The following CTNND2 variants were observed in gnomAD, a reference collection of about 807,000 sequenced individuals.
CTNND2 encodes the protein catenin delta-2.
Under a neutral mutation model 144.4 loss-of-function variants are expected in CTNND2, and 22 were observed. The observed-to-expected ratio is 0.15, with a 90% CI of 0.11 to 0.22. The LOEUF is 0.22. CTNND2 is among the 10% of genes least tolerant of loss of function. The pLI is 1.00. For synonymous variants in CTNND2, 751 were observed against 695.6 expected (o/e 1.08, Z -1.25); for missense variants, 1,353 against 1,618.8 (o/e 0.84, Z 2.82).
At chr5:11,296,034 G>A (rs1416578488) in intron 9 of CTNND2, among the ~76,000 whole-genome samples, 1 of 148,162 alleles carries the variant, frequency 6.7e-6, no homozygotes, top group Non-Finnish European at 1.5e-5. Flanking sequence ...ACTACCATCA[G>A]AGTGAACAGG....
Position 11,412,029 on chromosome 5 carries a change from C to T in CTNND2, c.322+6G>A. On this transcript the variant is annotated splice_donor_region_variant and intron_variant, in intron 4 of 21. Coordinates refer to ENST00000304623, the MANE Select transcript of CTNND2 (RefSeq NM_001332.4). ...TGTAAGTGTTCATCAATAAGATAGA[C>T]ATTACCTTGTGACTGCCACTGAAAC... is the stretch of plus-strand genomic sequence containing the variant. The T allele has an allele frequency of 6.2e-7, 1 of 1,607,978 alleles. No individual in the cohort carries two copies. The highest frequency in any genetic ancestry group is 1.1e-5 in the South Asian group (1 of 90,982).
chr5:11,648,027 T>A (rs964984873), intron 2 of CTNND2, among the ~76,000 whole-genome samples: 1 of 152,220 alleles, frequency 6.6e-6, no homozygotes, highest in African/African-American at 2.4e-5. Context: ...CTTCTATATA[T>A]GTTAAATCTG....
intron 1 of CTNND2, among the ~76,000 whole-genome samples, chr5:11,784,024 T>C (rs1195823293): frequency 1.3e-5 from 2 of 152,182 alleles, no homozygotes; most frequent in African/African-American, 2.4e-5. Context: ...CCACATACCA[T>C]GTCCACAAAA....
chr5:11,017,516 G>C (rs1741739536), intron 18 of CTNND2, among the ~76,000 whole-genome samples: 2 of 150,270 alleles, frequency 1.3e-5, no homozygotes, highest in African/African-American at 2.4e-5. Flanking sequence ...TTGATTTCCT[G>C]AATTACGTGC....
chr5:11,774,169 T>C (rs1000698026), intron 1 of CTNND2, among the ~76,000 whole-genome samples: 8 of 152,102 alleles, frequency 5.3e-5, no homozygotes, highest in Admixed American at 5.2e-4. Context: ...CATTGAGATA[T>C]ATTTCAAGCA....
chr5:11,547,795 A>G (rs2150079462), intron 3 of CTNND2, among the ~76,000 whole-genome samples: 1 of 152,328 alleles, frequency 6.6e-6, no homozygotes. Context: ...GCCAGTGGGA[A>G]AGTAACTTTG....
At chr5:11,588,194 G>GC (rs1028743814) in intron 2 of CTNND2, among the ~76,000 whole-genome samples, 2 of 151,960 alleles carry the variant, frequency 1.3e-5, no homozygotes, top group Admixed American at 1.3e-4. Flanking sequence ...CAAGTTAGCT[G>GC]CCCAGTATAT....
chr5:11,595,948 T>C (rs1779482878), intron 2 of CTNND2, among the ~76,000 whole-genome samples: 1 of 152,210 alleles, frequency 6.6e-6, no homozygotes. Flanking sequence ...AAATATATAT[T>C]CTTTCCAAAT....
At chr5:11,067,385 T>C (rs1747729884) in intron 16 of CTNND2, among the ~76,000 whole-genome samples, 1 of 152,254 alleles carries the variant, frequency 6.6e-6, no homozygotes, top group African/African-American at 2.4e-5. Flanking sequence ...CTTTGCTTGC[T>C]CACTGAAATG....
At chr5:11,336,221 G>A (rs1054839599) in intron 9 of CTNND2, among the ~76,000 whole-genome samples, 2 of 152,062 alleles carry the variant, frequency 1.3e-5, no homozygotes, top group Non-Finnish European at 2.9e-5. Flanking sequence ...TCCTTGCTTT[G>A]TGAGTTTTGT....
intron 16 of CTNND2, among the ~76,000 whole-genome samples, chr5:11,077,358 G>A (rs543325537): frequency 1.6e-4 from 24 of 152,232 alleles, no homozygotes; most frequent in Non-Finnish European, 2.5e-4. Flanking sequence ...TTTTAAGTAC[G>A]GTGGCCTGAA....
chr5:11,781,431 C>G (rs1476628367), intron 1 of CTNND2, among the ~76,000 whole-genome samples: 13 of 152,206 alleles, frequency 8.5e-5, no homozygotes, highest in Admixed American at 8.5e-4. Context: ...AGCCTCCGCC[C>G]TTTAGGAAGC....
At chr5:11,452,839 T>C (rs1561416234) in intron 3 of CTNND2, among the ~76,000 whole-genome samples, 1 of 152,240 alleles carries the variant, frequency 6.6e-6, no homozygotes, top group Non-Finnish European at 1.5e-5. Context: ...TGCGCACATT[T>C]GTCTGAAGTA....
chr5:11,123,336 C>T (rs911622964), intron 12 of CTNND2, among the ~76,000 whole-genome samples: 2 of 152,232 alleles, frequency 1.3e-5, no homozygotes, highest in Admixed American at 6.5e-5. Flanking sequence ...CTTTTCAGGA[C>T]TCTTTCTAGA....
chr5:10,983,882 A>G (rs1737606520), intron 20 of CTNND2, among the ~76,000 whole-genome samples: 1 of 151,470 alleles, frequency 6.6e-6, no homozygotes, highest in Non-Finnish European at 1.5e-5. Context: ...ATCCTAACAC[A>G]TTTCTCCCTC....
intron 2 of CTNND2, among the ~76,000 whole-genome samples, chr5:11,705,696 G>A (rs1391209871): frequency 6.6e-6 from 1 of 152,176 alleles, no homozygotes; most frequent in Non-Finnish European, 1.5e-5. Context: ...AATGCTGTCA[G>A]ACTTGAACCT....
chr5:11,690,574 A>G (rs1048015139), intron 2 of CTNND2, among the ~76,000 whole-genome samples: 2 of 151,788 alleles, frequency 1.3e-5, no homozygotes, highest in Admixed American at 1.3e-4. Flanking sequence ...TCTACTAAAA[A>G]TACAAAAAAA....
chr5:11,481,548 A>T (rs530320681), intron 3 of CTNND2, among the ~76,000 whole-genome samples: 1 of 152,244 alleles, frequency 6.6e-6, no homozygotes, highest in East Asian at 1.9e-4. Context: ...GGTTGCAGTG[A>T]GCCAAGGTCA....
At chr5:11,448,061 G>A (rs769512377) in intron 3 of CTNND2, among the ~76,000 whole-genome samples, 15 of 152,164 alleles carry the variant, frequency 9.9e-5, no homozygotes, top group African/African-American at 1.9e-4. Flanking sequence ...AGAATCTTCC[G>A]AGTGGAGGAA....
Sources: allele counts gnomAD v4.1 joint callset (sites outside exome capture counted in the v4.1 genomes callset), GRCh38; gene constraint gnomAD v4.1.1; transcripts MANE v1.5; gene names NCBI Gene and HGNC (gene_info 2026-07-23, HGNC 2026-07-21).